Variants in CTNND2 observed in about 807,000 individuals in gnomAD.
CTNND2 encodes the protein catenin delta 2.
A neutral mutation model predicts 144.4 loss-of-function variants in CTNND2; 22 were observed. The observed-to-expected ratio is 0.15, with a 90% confidence interval of 0.11 to 0.22. The LOEUF is 0.22. CTNND2 is among the 10% of genes least tolerant of loss of function. CTNND2 has a pLI of 1.00. For synonymous variants in CTNND2, 751 were observed against 695.6 expected (o/e 1.08, Z -1.25); for missense variants, 1,353 against 1,618.8 (o/e 0.84, Z 2.82).
intron 9 of CTNND2, 137 bp downstream of exon 9, chr5:11,346,235 C>A: frequency 1.3e-6 from 1 of 794,654 alleles, no homozygotes. Flanking sequence ...CATTCCAAGT[C>A]AAACAAAAGA....
At chr5:11,217,908 A>T (rs1009392145) in intron 10 of CTNND2, among the ~76,000 whole-genome samples, 7 of 152,144 alleles carry the variant, frequency 4.6e-5, no homozygotes, top group Non-Finnish European at 1.0e-4. Context: ...TTAGGCATCC[A>T]AGGTTGCGGC....
rs532031508 is a variant in CTNND2 at position 11,385,164 on chromosome 5, C to T, written c.678G>A (p.Pro226=). 11 of 979,604 alleles carry T rather than the reference C, an allele frequency of 1.1e-5. No homozygotes were observed. The highest frequency in any genetic ancestry group is 1.2e-5 in the Non-Finnish European group (10 of 822,548). The allele number at this position is 979,604 out of a possible 1,614,324, so 60.7% of individuals were successfully genotyped here. A position where few individuals can be genotyped will look rare whatever the true frequency, so the allele number is the denominator to read the frequency against. Residue 226 remains proline (P), a synonymous_variant, in exon 7 of 22, where the codon CCG becomes CCA. Transcript: ENST00000304623. ...PEPAPPPPPP[P]REPFAPSLGS... is the part of the protein sequence containing the mutation. The stretch of plus-strand genomic sequence containing the variant: ...CCAGGCTGGGCGCGAACGGCTCCCG[C>T]GGCGGCGGCGGCGGCGGCGGCGCGG...
intron 11 of CTNND2, among the ~76,000 whole-genome samples, chr5:11,181,415 A>C (rs1401226246): frequency 2.6e-5 from 4 of 152,146 alleles, no homozygotes; most frequent in Admixed American, 2.0e-4. Context: ...CCCGGGAAGC[A>C]GCAGGTGAGA....
intron 12 of CTNND2, among the ~76,000 whole-genome samples, chr5:11,140,555 AT>A (rs1048263468): frequency 1.3e-5 from 2 of 152,208 alleles, no homozygotes; most frequent in Non-Finnish European, 2.9e-5. Flanking sequence ...ATAACTACCT[AT>A]TGAGAAGACA....
chr5:11,223,003 C>G (rs1393967530), intron 10 of CTNND2, among the ~76,000 whole-genome samples: 1 of 152,146 alleles, frequency 6.6e-6, no homozygotes, highest in African/African-American at 2.4e-5. Context: ...TGTTTCCTTA[C>G]ATAAAGGCAG....
At chr5:11,105,855 G>A (rs139185715) in intron 14 of CTNND2, among the ~76,000 whole-genome samples, 22 of 152,298 alleles carry the variant, frequency 1.4e-4, no homozygotes, top group Middle Eastern at 3.4e-3. Flanking sequence ...CCAGCATATG[G>A]TGAGGTGAAG....
intron 2 of CTNND2, among the ~76,000 whole-genome samples, chr5:11,603,194 T>C (rs1056969044): frequency 4.6e-5 from 7 of 152,144 alleles, no homozygotes; most frequent in Non-Finnish European, 7.4e-5. Flanking sequence ...GATAGAAGTA[T>C]AAATGCCATT....
chr5:11,126,114 C>T (rs574896911), intron 12 of CTNND2, among the ~76,000 whole-genome samples: 8 of 152,264 alleles, frequency 5.3e-5, no homozygotes, highest in Middle Eastern at 3.4e-3. Context: ...CCAGCCTGAC[C>T]AACATGGAGA....
At chr5:11,812,966 C>A (rs537154039) in intron 1 of CTNND2, among the ~76,000 whole-genome samples, 2 of 152,294 alleles carry the variant, frequency 1.3e-5, no homozygotes, top group South Asian at 4.1e-4. Context: ...TCACCCCCCA[C>A]ACACATACTC....
intron 2 of CTNND2, among the ~76,000 whole-genome samples, chr5:11,641,097 T>C (rs1296477263): frequency 6.6e-6 from 1 of 152,174 alleles, no homozygotes; most frequent in Non-Finnish European, 1.5e-5. Context: ...ATGCGTGTAT[T>C]CAAGGTCGTT....
At chr5:11,375,101 T>C (rs993723628) in intron 7 of CTNND2, among the ~76,000 whole-genome samples, 27 of 152,208 alleles carry the variant, frequency 1.8e-4, no homozygotes, top group African/African-American at 6.0e-4. Context: ...CAGAGGCCTT[T>C]TTCCTCAGAT....
intron 10 of CTNND2, among the ~76,000 whole-genome samples, chr5:11,211,079 T>G (rs1445643912): frequency 6.6e-6 from 1 of 152,206 alleles, no homozygotes; most frequent in South Asian, 2.1e-4. Flanking sequence ...CATCAACAAC[T>G]GGGTTCTTCT....
chr5:11,874,126 C>A (rs1389842139), intron 1 of CTNND2, among the ~76,000 whole-genome samples: 1 of 152,112 alleles, frequency 6.6e-6, no homozygotes, highest in Non-Finnish European at 1.5e-5. Context: ...GCATTGAAGT[C>A]CCATCCTAGT....
At chr5:11,209,866 G>A (rs1035678054) in intron 10 of CTNND2, among the ~76,000 whole-genome samples, 1 of 152,150 alleles carries the variant, frequency 6.6e-6, no homozygotes, top group African/African-American at 2.4e-5. Flanking sequence ...AGCTTGCAGT[G>A]AGCCGAGATC....
intron 9 of CTNND2, among the ~76,000 whole-genome samples, chr5:11,266,937 G>A (rs895831652): frequency 6.6e-6 from 1 of 152,164 alleles, no homozygotes; most frequent in Admixed American, 6.5e-5. Flanking sequence ...GGAGTGCAAT[G>A]GCGCGATCTC....
intron 16 of CTNND2, among the ~76,000 whole-genome samples, chr5:11,060,528 C>A (rs1181268899): frequency 6.6e-6 from 1 of 152,140 alleles, no homozygotes; most frequent in African/African-American, 2.4e-5. Context: ...AGTCTAGACT[C>A]GTGGATGGAA....
chr5:11,099,603 C>G (rs1276831635), intron 14 of CTNND2, among the ~76,000 whole-genome samples: 1 of 152,020 alleles, frequency 6.6e-6, no homozygotes, highest in Admixed American at 6.6e-5. Context: ...CATAAAATAC[C>G]TGTAATTATC....
chr5:11,860,896 A>T (rs925463614), intron 1 of CTNND2, among the ~76,000 whole-genome samples: 17 of 152,226 alleles, frequency 1.1e-4, no homozygotes, highest in South Asian at 4.1e-4. Context: ...TTACTATAAC[A>T]GTAGAGGTTT....
At chr5:11,274,467 C>T (rs1251490596) in intron 9 of CTNND2, among the ~76,000 whole-genome samples, 1 of 151,776 alleles carries the variant, frequency 6.6e-6, no homozygotes, top group Non-Finnish European at 1.5e-5. Flanking sequence ...AAATGTGAGA[C>T]AAGCCCAAGA....
Sources: allele counts gnomAD v4.1 joint callset (sites outside exome capture counted in the v4.1 genomes callset), GRCh38; gene constraint gnomAD v4.1.1; transcripts MANE v1.5; gene names NCBI Gene and HGNC (gene_info 2026-07-23, HGNC 2026-07-21).